The following USP24 variants were observed in gnomAD, a reference collection of about 807,000 sequenced individuals.
USP24 encodes ubiquitin carboxyl-terminal hydrolase 24.
Under a neutral mutation model 361.6 loss-of-function variants are expected in USP24, and 97 were observed. The ratio of observed to expected loss-of-function variants is 0.27; its 90% confidence interval spans 0.23 to 0.32. USP24 has a LOEUF of 0.32. Among genes scored for constraint, USP24 ranks in the 10% least tolerant of loss-of-function variants. The pLI is 1.00. For synonymous variants in USP24, 1,098 were observed against 1,124.6 expected, an observed-to-expected ratio of 0.98 and a Z score of 0.47; for missense variants, 2,353 against 3,165.6, an observed-to-expected ratio of 0.74 and a Z score of 6.16.
At chr1:55,212,427 CA>C (rs1463658810) in intron 1 of USP24, among the ~76,000 whole-genome samples, 1 of 152,134 alleles carries the variant, frequency 6.6e-6, no homozygotes, top group Non-Finnish European at 1.5e-5. Flanking sequence ...CCCTGCCACC[CA>C]CTACATAATC....
At position 55,143,018 on chromosome 1, in the gene USP24, T is replaced by C; in HGVS notation, c.2541A>G (p.Ile847Met). The C allele has an allele frequency of 1.3e-6, 2 of 1,524,886 alleles. No homozygotes were observed. Among genetic ancestry groups the C allele is most frequent in the South Asian group, 2.6e-5 (2 of 78,210 alleles). 94.5% of individuals were successfully genotyped at this position (1,524,886 alleles called of 1,614,324 possible). A position where few individuals can be genotyped will look rare whatever the true frequency, so the allele number is the denominator to read the frequency against. ...EIANEAIQLI[I>M]NYSYINLNPR... Reference sequence around the variant, plus strand: ...GATTTAGATTAATGTAACTATAGTTTATGATTAGCTGAATAGCTTCATTAG... The same window carrying C: ...GATTTAGATTAATGTAACTATAGTTCATGATTAGCTGAATAGCTTCATTAG... Residue 847 changes from isoleucine (I) to methionine (M), a missense_variant, in exon 22 of 68, where the codon ATA becomes ATG. Coordinates refer to ENST00000294383, the MANE Select transcript of USP24 (RefSeq NM_015306.3).
intron 3 of USP24, 141 bp downstream of exon 3, chr1:55,176,235 A>G: frequency 1.8e-6 from 1 of 570,608 alleles, no homozygotes; most frequent in South Asian, 3.4e-5. Flanking sequence ...CGTTTTTCAT[A>G]TTAGAGGATT....
At chr1:55,094,240 A>G (rs1250223981) in intron 51 of USP24, among the ~76,000 whole-genome samples, 153 bp from the exon 52 acceptor site, 1 of 151,956 alleles carries the variant, frequency 6.6e-6, no homozygotes, top group Non-Finnish European at 1.5e-5. Context: ...AATATATACA[A>G]TCATAATGTA....
chr1:55,168,996 T>C (rs139619782), intron 5 of USP24, among the ~76,000 whole-genome samples: 39 of 152,132 alleles, frequency 2.6e-4, no homozygotes, highest in African/African-American at 8.4e-4. Context: ...CCTACATACA[T>C]ACACAAAGCA....
At chr1:55,155,634 T>C (rs1270768292) in intron 12 of USP24, among the ~76,000 whole-genome samples, 1 of 152,216 alleles carries the variant, frequency 6.6e-6, no homozygotes, top group Non-Finnish European at 1.5e-5. Flanking sequence ...TGACTTTTTA[T>C]AGTCTGCTCT....
intron 56 of USP24, chr1:55,084,246 C>T (rs12568910): frequency 5.2e-6 from 1 of 193,242 alleles, no homozygotes; most frequent in South Asian, 1.0e-4. Flanking sequence ...CCTCCCTCCA[C>T]TACGTTACTT....
chr1:55,175,805 G>A (rs769153329), intron 3 of USP24, among the ~76,000 whole-genome samples: 26 of 152,258 alleles, frequency 1.7e-4, no homozygotes, highest in South Asian at 4.1e-4. Context: ...CACAATTCTT[G>A]TGATCTCCCA....
intron 3 of USP24, among the ~76,000 whole-genome samples, chr1:55,173,790 A>G (rs1182834271): frequency 6.6e-6 from 1 of 151,974 alleles, no homozygotes; most frequent in Admixed American, 6.6e-5. Context: ...TTTTTGCAGA[A>G]TTTTTTTTGC....
At chr1:55,137,356 G>GT (rs1283123449) in intron 28 of USP24, among the ~76,000 whole-genome samples, 159 bp downstream of exon 28, 4 of 152,222 alleles carry the variant, frequency 2.6e-5, no homozygotes, top group African/African-American at 7.2e-5. Flanking sequence ...AACTGAAGGT[G>GT]TAAGTGGGAT....
chr1:55,166,312 T>C (rs780545269), intron 6 of USP24, among the ~76,000 whole-genome samples: 5 of 152,040 alleles, frequency 3.3e-5, no homozygotes, highest in African/African-American at 9.7e-5. Flanking sequence ...CTCCGTAACA[T>C]TGGTCTTGAG....
At position 55,134,129 on chromosome 1, in the gene USP24, T is replaced by G; in HGVS notation, c.3322A>C (p.Ile1108Leu). The change falls in exon 30 of 68, where the codon ATA becomes CTA. Residue 1108 changes from isoleucine to leucine, a missense_variant. Around this residue, in one of 8 missense-constraint regions of USP24, gnomAD observed 949 missense variants for 1,280.5 expected, o/e 0.74. Transcript: ENST00000294383. Reference protein sequence around the residue: ...TLRVRKLLLLIPTDPAIQEAL... With the variant: ...TLRVRKLLLLLPTDPAIQEAL... ...TCCTGAATGGCTGGATCAGTGGGTA[T>G]CAAGAGCAGAAGCTTCCGTACTCGT... is the stretch of plus-strand genomic sequence containing the variant. 1 of 1,613,780 alleles carries G rather than the reference T, an allele frequency of 6.2e-7. No homozygotes were observed. Among genetic ancestry groups the G allele is most frequent in the Non-Finnish European group, 8.5e-7 (1 of 1,179,788 alleles).
chr1:55,124,352 G>A (rs1646366149), intron 35 of USP24, 117 bp downstream of exon 35: 3 of 1,232,366 alleles, frequency 2.4e-6, no homozygotes, highest in African/African-American at 1.5e-5. Flanking sequence ...TTTTACTCAT[G>A]CTCACAAGCA....
In USP24 at chr1:55,083,944, A is replaced by G. The variant is rs1570361332; in HGVS notation, c.6766-56T>C. 25 of 1,339,608 alleles carry G rather than the reference A, an allele frequency of 1.9e-5. No individual in the cohort carries two copies. In the East Asian group the frequency reaches 3.5e-4, roughly 19 times the overall value. 83.0% of individuals were successfully genotyped at this position (1,339,608 alleles called of 1,614,324 possible). ...GAAAAAGAACGTAAGACAGACATTT[A>G]TAACAGGATTAATTTGAGGTAAACC... On this transcript the variant is annotated intron_variant, in intron 56 of 67. Transcript: ENST00000294383.
chr1:55,103,610 T>C (rs1013611111), intron 42 of USP24, among the ~76,000 whole-genome samples: 4 of 152,172 alleles, frequency 2.6e-5, no homozygotes, highest in Non-Finnish European at 4.4e-5. Context: ...AAAAAATAGG[T>C]TGGAATGCTA....
rs1423033935 is a variant in USP24, at chr1:55,075,653, ACAACAACAACAACAC to A, written c.7381-145_7381-131del. On this transcript the variant is annotated intron_variant, in intron 62 of 67. Coordinates refer to ENST00000294383, the MANE Select transcript of USP24 (RefSeq NM_015306.3). ...AACAACAACAACAACAACAACAACAACAACAACAACAACACCACCACCACCAATACAGGACGGGCA... is the reference window on the plus strand; with the variant it reads ...AACAACAACAACAACAACAACAACAACACCACCACCAATACAGGACGGGCA... 1.8e-5 allele frequency: 9 copies of A among 504,770 alleles called. No homozygotes were observed. The African/African-American group carries it at 4.5e-4, about 25-fold the overall frequency. 31.3% of individuals were successfully genotyped at this position (504,770 alleles called of 1,614,324 possible).
intron 3 of USP24, among the ~76,000 whole-genome samples, chr1:55,173,514 G>T (rs938350076): frequency 6.6e-6 from 1 of 152,038 alleles, no homozygotes; most frequent in Non-Finnish European, 1.5e-5. Flanking sequence ...CACTTAAATT[G>T]GTATGGTGGT....
At chr1:55,155,458 T>C (rs1381368927) in intron 12 of USP24, among the ~76,000 whole-genome samples, 2 of 152,220 alleles carry the variant, frequency 1.3e-5, no homozygotes, top group Non-Finnish European at 2.9e-5. Flanking sequence ...AGTAGGAATA[T>C]ACAATATATA....
At chr1:55,168,671 T>C (rs185915907) in intron 5 of USP24, among the ~76,000 whole-genome samples, 8 of 152,236 alleles carry the variant, frequency 5.3e-5, no homozygotes, top group Admixed American at 5.2e-4. Context: ...TAGATTTACC[T>C]GCGGAAAGGG....
In USP24 at chr1:55,190,431, T is replaced by G. The variant is rs142092755; in HGVS notation, c.325-12299A>C. ...GATATTTTGAGTTATCACTTTTAAG[T>G]AGAGCCTGTCCTTGGCAAAAATTAC... is the stretch of plus-strand genomic sequence containing the variant. On this transcript the variant is annotated intron_variant, in intron 1 of 67. Coordinates refer to ENST00000294383, the MANE Select transcript of USP24 (RefSeq NM_015306.3). Among the ~76,000 whole-genome samples the G allele has an allele frequency of 3.8e-3, 581 of 152,294 alleles. 5 individuals carry two copies. Among genetic ancestry groups the G allele is most frequent in the African/African-American group, 0.013 (544 of 41,568 alleles).
Sources: allele counts gnomAD v4.1 joint callset (sites outside exome capture counted in the v4.1 genomes callset), GRCh38; gene constraint gnomAD v4.1.1; regional missense constraint gnomAD v4.1.1; transcripts MANE v1.5; gene names NCBI Gene and HGNC (gene_info 2026-07-23, HGNC 2026-07-21).